KCNJ6: variants seen among roughly 807,000 people sequenced by gnomAD.
KCNJ6 encodes potassium inwardly rectifying channel subfamily J member 6.
KCNJ6 carries 9 observed loss-of-function variants against 34.2 expected under a neutral mutation model. The ratio of observed to expected loss-of-function variants is 0.26; its 90% confidence interval spans 0.16 to 0.46. The LOEUF is 0.46. Ranked by LOEUF, KCNJ6 falls within the 20% of genes least tolerant of loss-of-function variation. The probability of loss-of-function intolerance (pLI) is 1.00; values close to 1 mark genes in which losing one functional copy is unlikely to be tolerated. For missense variants in KCNJ6, 236 were observed against 531.3 expected (o/e 0.44, Z 5.46); for synonymous variants, 196 against 207.1 (o/e 0.95, Z 0.46).
chr21:37,688,624 T>C (rs1297548078), intron 3 of KCNJ6, among the ~76,000 whole-genome samples: 1 of 152,166 alleles, frequency 6.6e-6, no homozygotes, highest in Non-Finnish European at 1.5e-5. Flanking sequence ...CTTAATGGGA[T>C]GTGTGACACA....
intron 3 of KCNJ6, among the ~76,000 whole-genome samples, chr21:37,653,272 G>A (rs1451412086): frequency 2.6e-5 from 4 of 152,172 alleles, no homozygotes; most frequent in East Asian, 1.9e-4. Context: ...GACAGGAAAC[G>A]ATAATGAATT....
At chr21:37,833,625 A>G (rs2055437787) in intron 2 of KCNJ6, among the ~76,000 whole-genome samples, 1 of 152,086 alleles carries the variant, frequency 6.6e-6, no homozygotes, top group African/African-American at 2.4e-5. Flanking sequence ...TGTCCAGTTC[A>G]TGGCTGACCA....
chr21:37,837,175 C>T (rs2055456019), intron 2 of KCNJ6, among the ~76,000 whole-genome samples: 1 of 152,152 alleles, frequency 6.6e-6, no homozygotes, highest in African/African-American at 2.4e-5. Context: ...TCTTCTTCCA[C>T]ATCTACTTTT....
At chr21:37,842,247 G>A (rs1394353646) in intron 1 of KCNJ6, among the ~76,000 whole-genome samples, 2 of 152,120 alleles carry the variant, frequency 1.3e-5, no homozygotes, top group Admixed American at 6.5e-5. Context: ...CTCTGCCATC[G>A]ACATTTTCGT....
chr21:37,897,822 C>T (rs886801838), intron 1 of KCNJ6, among the ~76,000 whole-genome samples: 2 of 152,224 alleles, frequency 1.3e-5, no homozygotes, highest in African/African-American at 4.8e-5. Context: ...TCTGTACCAC[C>T]TGTTAGTATA....
chr21:37,721,743 T>C (rs2054827462), intron 2 of KCNJ6, among the ~76,000 whole-genome samples: 1 of 152,206 alleles, frequency 6.6e-6, no homozygotes, highest in Non-Finnish European at 1.5e-5. Flanking sequence ...TTCCGCCGGT[T>C]GGAAGTAAGT....
intron 2 of KCNJ6, among the ~76,000 whole-genome samples, chr21:37,738,495 C>CT (rs1378097171): frequency 6.6e-6 from 1 of 152,178 alleles, no homozygotes; most frequent in Non-Finnish European, 1.5e-5. Flanking sequence ...CACATCTGCT[C>CT]TTTTTTAGGG....
intron 2 of KCNJ6, among the ~76,000 whole-genome samples, chr21:37,769,126 G>A (rs1398103541): frequency 6.6e-6 from 1 of 152,198 alleles, no homozygotes; most frequent in East Asian, 1.9e-4. Context: ...GTGGAGTATA[G>A]TTAGGACACT....
chr21:37,668,456 ATTC>A (rs3060990), intron 3 of KCNJ6, among the ~76,000 whole-genome samples: 72,523 of 151,436 alleles, frequency 0.48, 18,129 homozygotes, highest in African/African-American at 0.64. Context: ...CTAATCTCCT[ATTC>A]TTATAAGGAC....
chr21:37,766,251 T>C lies in KCNJ6; in HGVS notation c.26-51120A>G, dbSNP rs117615211. ...TGTGGGTGGAGTAGGATGCCTGTCC[T>C]GTCATGTGATTTGGGCATGCCGAAA... On this transcript the variant is annotated intron_variant, in intron 2 of 3. Transcript: ENST00000609713. Among the ~76,000 whole-genome samples, 1,490 of 152,324 alleles carry C rather than the reference T, an allele frequency of 9.8e-3. 8 individuals are homozygous for C. The highest frequency in any genetic ancestry group is 0.016 in the Non-Finnish European group (1,061 of 68,018).
intron 1 of KCNJ6, among the ~76,000 whole-genome samples, chr21:37,881,470 G>GGAGAGAGAGAGAGAGAGA (rs10550872): frequency 5.4e-5 from 8 of 149,110 alleles, no homozygotes; most frequent in African/African-American, 2.0e-4. Flanking sequence ...CTCTCTGCAT[G>GGAGAGAGAGAGAGAGAGA]GAGAGAGAGA....
chr21:37,642,021 C>T (rs578138215), intron 3 of KCNJ6, among the ~76,000 whole-genome samples: 67 of 152,270 alleles, frequency 4.4e-4, no homozygotes, highest in Middle Eastern at 6.8e-3. Flanking sequence ...ATGGTGGTGC[C>T]ACTGGGAATC....
At chr21:37,691,946 G>T (rs2054641819) in intron 3 of KCNJ6, among the ~76,000 whole-genome samples, 1 of 152,112 alleles carries the variant, frequency 6.6e-6, no homozygotes, top group South Asian at 2.1e-4. Flanking sequence ...TAAAAAAAAG[G>T]TTTCTCTAAC....
chr21:37,843,876 C>A (rs1262106957), intron 1 of KCNJ6, among the ~76,000 whole-genome samples: 2 of 152,120 alleles, frequency 1.3e-5, no homozygotes, highest in Non-Finnish European at 2.9e-5. Flanking sequence ...ATACAGCAGT[C>A]CCAGTGCAGT....
At chr21:37,626,130 C>T (rs1198910325) in intron 3 of KCNJ6, among the ~76,000 whole-genome samples, 11 of 143,060 alleles carry the variant, frequency 7.7e-5, no homozygotes, top group East Asian at 2.1e-4. Flanking sequence ...TTTCCCCCTT[C>T]TTTTTTTTTT....
intron 2 of KCNJ6, among the ~76,000 whole-genome samples, chr21:37,826,987 A>G (rs2055402223): frequency 6.6e-6 from 1 of 152,192 alleles, no homozygotes; most frequent in Non-Finnish European, 1.5e-5. Context: ...GTGGGGACTC[A>G]GCGACTCTCA....
At chr21:37,753,353 T>G (rs756779566) in intron 2 of KCNJ6, among the ~76,000 whole-genome samples, 6 of 152,218 alleles carry the variant, frequency 3.9e-5, no homozygotes, top group African/African-American at 1.4e-4. Flanking sequence ...TTTGAAGGCA[T>G]GTCTGCGTTT....
At chr21:37,696,667 A>G (rs1161595487) in intron 3 of KCNJ6, among the ~76,000 whole-genome samples, 4 of 152,178 alleles carry the variant, frequency 2.6e-5, no homozygotes, top group African/African-American at 9.7e-5. Context: ...AGATGCTACT[A>G]TATCAGATTA....
rs954684664 is a variant in KCNJ6 at position 37,635,374 on chromosome 21, C to T, written c.947-9890G>A. On this transcript the variant is annotated intron_variant, in intron 3 of 3. Transcript: ENST00000609713. Reference sequence around the variant, plus strand: ...CTTGGAGTATAGGCGCTTGCCAGCACGCCCGGCTAATTTTTGTATTTTTAG... The same window carrying T: ...CTTGGAGTATAGGCGCTTGCCAGCATGCCCGGCTAATTTTTGTATTTTTAG... Among the ~76,000 whole-genome samples, 5 of 151,922 alleles carry T rather than the reference C, an allele frequency of 3.3e-5. No homozygotes were observed. In the East Asian group the frequency reaches 5.8e-4, roughly 18 times the overall value.
Sources: allele counts gnomAD v4.1 joint callset (sites outside exome capture counted in the v4.1 genomes callset), GRCh38; gene constraint gnomAD v4.1.1; transcripts MANE v1.5; gene names NCBI Gene and HGNC (gene_info 2026-07-23, HGNC 2026-07-21).